ARID2: variants seen among roughly 807,000 people sequenced by gnomAD.
The protein encoded by ARID2 is AT-rich interactive domain-containing protein 2.
ARID2 carries 32 observed loss-of-function variants against 184.6 expected under a neutral mutation model. The ratio of observed to expected loss-of-function variants is 0.17; its 90% confidence interval spans 0.13 to 0.23. ARID2 has a LOEUF of 0.23. ARID2 is among the 10% of genes least tolerant of loss of function. The probability of loss-of-function intolerance (pLI) is 1.00; values close to 1 mark genes in which losing one functional copy is unlikely to be tolerated. For synonymous variants in ARID2, 836 were observed against 772.6 expected, an observed-to-expected ratio of 1.08 and a Z score of -1.36; for missense variants, 1,696 against 2,197.6, an observed-to-expected ratio of 0.77 and a Z score of 4.56.
At chr12:45,901,154 A>AT (rs71067909) in intron 20 of ARID2, among the ~76,000 whole-genome samples, 621 of 44,936 alleles carry the variant, frequency 0.014, 119 homozygotes, top group African/African-American at 0.016. Context: ...AATTTCCTTA[A>AT]TTTTTTTTTT....
intron 20 of ARID2, among the ~76,000 whole-genome samples, chr12:45,903,073 G>A (rs1944479116): frequency 6.6e-6 from 1 of 152,028 alleles, no homozygotes; most frequent in Admixed American, 6.5e-5. Context: ...CTCTCTATAA[G>A]GGACCACTAT....
chr12:45,842,552 A>AT (rs1445283154), intron 11 of ARID2, among the ~76,000 whole-genome samples: 1 of 151,878 alleles, frequency 6.6e-6, no homozygotes, highest in Non-Finnish European at 1.5e-5. Context: ...AGGTCAAGAG[A>AT]TTGAGACCAT....
rs1209104510 is a variant in ARID2, at chr12:45,852,252, C to G, written c.4129C>G (p.Pro1377Ala). The change falls in exon 15 of 21, where the codon CCA becomes GCA. Residue 1377 changes from proline (P) to alanine (A), a missense_variant. Pro to Ala is a conservative substitution (Grantham distance 27). Around this residue, in one of 11 missense-constraint regions of ARID2, gnomAD observed 428 missense variants for 409.1 expected, o/e 1.05. Coordinates refer to ENST00000334344, the MANE Select transcript of ARID2 (RefSeq NM_152641.4). The part of the protein sequence containing the change: ...GDGSHLSKNI[P>A]NHKTSNHVGN... ...TGGTTCTCATTTAAGCAAAAACATT[C>G]CAAATCATAAAACTTCCAATCATGT... is the stretch of plus-strand genomic sequence containing the variant. 7 of 1,613,970 alleles carry G rather than the reference C, an allele frequency of 4.3e-6. No homozygotes were observed. The highest frequency in any genetic ancestry group is 5.9e-6 in the Non-Finnish European group (7 of 1,179,972).
At position 45,811,503 on chromosome 12, in the gene ARID2, A is replaced by G. The variant is rs142032280; in HGVS notation, c.370A>G (p.Ile124Val). 170 of 1,613,982 alleles carry G rather than the reference A, an allele frequency of 1.1e-4. No individual in the cohort carries two copies. The highest frequency in any genetic ancestry group is 1.3e-4 in the Non-Finnish European group (156 of 1,179,872). Residue 124 changes from isoleucine to valine, a missense_variant, in exon 4 of 21, where the codon ATT (isoleucine) becomes GTT (valine). Physicochemically the swap from Ile to Val is conservative, Grantham distance 29. Coordinates refer to ENST00000334344, the MANE Select transcript of ARID2 (RefSeq NM_152641.4). ...AGGCAATCCAAAGCCACAGCTTCCT[A>G]TTGGTGCAATTCCATCTTCCTACAA... ...PPGNPKPQLP[I>V]GAIPSSYNYQ...
rs536599967 is a variant in ARID2, at chr12:45,770,361, T to G, written c.284+39047T>G. ...TCATGCCTTACAATGACACAGGATT[T>G]TTTTTGGCCCCTTTGCCAGGGTCAC... On this transcript the variant is annotated intron_variant, in intron 3 of 20. Transcript: ENST00000334344. 1.4e-3 allele frequency among the ~76,000 whole-genome samples: 213 copies of G among 152,312 alleles called. 1 individual carries two copies. The highest frequency in any genetic ancestry group is 5.1e-3 in the African/African-American group (210 of 41,576).
chr12:45,904,134 T>G (rs1295568008), intron 20 of ARID2, among the ~76,000 whole-genome samples: 2 of 152,158 alleles, frequency 1.3e-5, no homozygotes, highest in African/African-American at 4.8e-5. Context: ...GTAGAAAATT[T>G]AAGATTGATA....
At chr12:45,745,038 CTGTT>C (rs1941329892) in intron 3 of ARID2, among the ~76,000 whole-genome samples, 1 of 152,210 alleles carries the variant, frequency 6.6e-6, no homozygotes, top group South Asian at 2.1e-4. Context: ...TTTAAGCAAA[CTGTT>C]TGGTGATTTA....
chr12:45,893,165 A>C (rs1944324003), intron 18 of ARID2, among the ~76,000 whole-genome samples: 1 of 152,218 alleles, frequency 6.6e-6, no homozygotes, highest in Non-Finnish European at 1.5e-5. Context: ...AACTTTAAAG[A>C]TGGAACATCT....
chr12:45,813,475 C>A (rs1212170953), intron 4 of ARID2, among the ~76,000 whole-genome samples: 47 of 133,302 alleles, frequency 3.5e-4, no homozygotes, highest in African/African-American at 1.2e-3. Flanking sequence ...AAAAAAAAAA[C>A]CACCAAAATG....
Position 45,839,339 on chromosome 12 carries a change from G to A in ARID2, c.1341G>A (p.Val447=), listed in dbSNP as rs1451803265. Residue 447 remains valine, a synonymous_variant, in exon 11 of 21, where the codon GTG becomes GTA. Transcript: ENST00000334344. ...TTTTATTTATTTTAGACATGTTAGT[G>A]TGTCTGGTTTCTATGGATATTCAGA... is the stretch of plus-strand genomic sequence containing the variant. ...AKVEKSIDML[V]CLVSMDIQMF... The A allele has an allele frequency of 6.2e-7, 1 of 1,608,306 alleles. No individual in the cohort carries two copies. Among genetic ancestry groups the A allele is most frequent in the Non-Finnish European group, 8.5e-7 (1 of 1,178,310 alleles).
rs369569071 is a variant in ARID2 at position 45,853,783 on chromosome 12, G to A, written c.4773+887G>A. 8.6e-4 allele frequency among the ~76,000 whole-genome samples: 131 copies of A among 152,316 alleles called. 1 individual carries two copies. Among genetic ancestry groups the A allele is most frequent in the African/African-American group, 3.0e-3 (125 of 41,570 alleles). ...CTGGCTTGGGCTTCTGTATGGTTAC[G>A]GTGATGACAGCAGATATATGGCTAT... On this transcript the variant is annotated intron_variant, in intron 15 of 20. Coordinates refer to ENST00000334344, the MANE Select transcript of ARID2 (RefSeq NM_152641.4).
chr12:45,774,263 T>C (rs1941934281), intron 3 of ARID2, among the ~76,000 whole-genome samples: 1 of 152,192 alleles, frequency 6.6e-6, no homozygotes, highest in African/African-American at 2.4e-5. Flanking sequence ...TATATTCAGG[T>C]TTTTAGTTAA....
intron 16 of ARID2, chr12:45,881,734 T>G (rs551149010): frequency 2.7e-5 from 5 of 186,376 alleles, no homozygotes; most frequent in Non-Finnish European, 4.6e-5. Context: ...CTTGCCCTCC[T>G]TCCTCACTGA....
In ARID2 at chr12:45,836,741, A is replaced by G. The variant is rs200449496; in HGVS notation, c.773A>G (p.Glu258Gly). Reference protein sequence around the residue: ...DLISDRNKSHEGTSGEWIWES... With the variant: ...DLISDRNKSHGGTSGEWIWES... ...GTGAAATATGTATTTTCTATTGTAGAAGGTACATCAGGAGAATGGATTTGG... is the reference window on the plus strand; with the variant it reads ...GTGAAATATGTATTTTCTATTGTAGGAGGTACATCAGGAGAATGGATTTGG... Residue 258 changes from glutamate (E) to glycine (G), a missense_variant and splice_region_variant, in exon 8 of 21, where the codon GAA becomes GGA. Physicochemically the swap from Glu to Gly is moderately conservative, Grantham distance 98. Transcript: ENST00000334344. The G allele has an allele frequency of 5.0e-6, 8 of 1,609,878 alleles. No individual in the cohort carries two copies. In the East Asian group the frequency reaches 1.8e-4, roughly 36 times the overall value.
intron 4 of ARID2, 145 bp from the exon 5 acceptor site, chr12:45,817,525 T>TTTATATTTTATATATATATATATTTATA (rs1233724747): frequency 4.2e-6 from 1 of 235,584 alleles, no homozygotes; most frequent in East Asian, 8.6e-5. Flanking sequence ...CTCTAATCAG[T>TTTATATTTTATATATATATATATTTATA]TTATATTTTA....
intron 3 of ARID2, among the ~76,000 whole-genome samples, chr12:45,803,214 G>A (rs954505167): frequency 2.0e-5 from 3 of 152,168 alleles, no homozygotes; most frequent in Non-Finnish European, 4.4e-5. Context: ...GCTCAGACAT[G>A]TTAGAAACAT....
At position 45,732,489 on chromosome 12, in the gene ARID2, A is replaced by G. The variant is rs543532871; in HGVS notation, c.284+1175A>G. Among the ~76,000 whole-genome samples the G allele has an allele frequency of 1.4e-4, 22 of 152,254 alleles. 1 individual carries two copies. The South Asian group carries it at 4.4e-3, about 30-fold the overall frequency. ...AAAATATTAAATATGGTTGTCATCT[A>G]TTGTGTGTGTGTGATGGCATTTGTG... On this transcript the variant is annotated intron_variant, in intron 3 of 20. Transcript: ENST00000334344.
In ARID2 at chr12:45,817,800, A is replaced by G. The variant is rs772355463; in HGVS notation, c.549A>G (p.Leu183=). 5.0e-6 allele frequency: 8 copies of G among 1,613,348 alleles called. No homozygotes were observed. In the South Asian group the frequency reaches 5.5e-5, roughly 11 times the overall value. The change falls in exon 5 of 21, where the codon CTA becomes CTG. Residue 183 remains leucine (L), a synonymous_variant. Coordinates refer to ENST00000334344, the MANE Select transcript of ARID2 (RefSeq NM_152641.4). The part of the protein sequence containing the change: ...VDFAINVCTL[L]SNESKHVMQL... ...TTGCTATTAACGTATGCACTCTCCTATCAAATGAAAGCAAGCACGTCATGC... is the reference window on the plus strand; with the variant it reads ...TTGCTATTAACGTATGCACTCTCCTGTCAAATGAAAGCAAGCACGTCATGC...
chr12:45,775,303 T>C (rs566664363), intron 3 of ARID2, among the ~76,000 whole-genome samples: 2 of 152,342 alleles, frequency 1.3e-5, no homozygotes, highest in African/African-American at 4.8e-5. Flanking sequence ...TTTGGATCAT[T>C]GCCCTCTATG....
Sources: allele counts gnomAD v4.1 joint callset (sites outside exome capture counted in the v4.1 genomes callset), GRCh38; gene constraint gnomAD v4.1.1; regional missense constraint gnomAD v4.1.1; transcripts MANE v1.5; gene names NCBI Gene and HGNC (gene_info 2026-07-23, HGNC 2026-07-21).